The following DNAH12 variants were observed in gnomAD, a reference collection of about 807,000 sequenced individuals.
DNAH12 encodes axonemal beta dynein heavy chain 12.
In DNAH12, 285 loss-of-function variants were observed where a neutral mutation model predicts 371.5. That is an observed-to-expected ratio of 0.77 (90% confidence interval 0.70 to 0.85). DNAH12 has a LOEUF of 0.85. Among genes scored for constraint, DNAH12 ranks in the 40% least tolerant of loss-of-function variants. The pLI is 0.00. For missense variants in DNAH12, 3,611 were observed against 3,689.4 expected (o/e 0.98, Z 0.55); for synonymous variants, 1,200 against 1,213.0 (o/e 0.99, Z 0.22).
chr3:57,340,866 C>G lies in DNAH12; in HGVS notation c.9675-5926G>C, dbSNP rs188081489. 5.9e-5 allele frequency among the ~76,000 whole-genome samples: 9 copies of G among 152,180 alleles called. No homozygotes were observed. The East Asian group carries it at 1.7e-3, about 29-fold the overall frequency. ...AAAACACAACATAAAAAAACTAGAC[C>G]AATGTCTCTGATGAACATAAATGCA... On this transcript the variant is annotated intron_variant, in intron 60 of 73. Coordinates refer to ENST00000495027, the MANE Select transcript of DNAH12 (RefSeq NM_001366028.2).
chr3:57,422,441 G>A (rs549850751), intron 35 of DNAH12, among the ~76,000 whole-genome samples: 4 of 152,090 alleles, frequency 2.6e-5, no homozygotes, highest in South Asian at 2.1e-4. Flanking sequence ...TGATCTGCCC[G>A]CCTCAGCCTC....
At chr3:57,481,950 C>T (rs1292716558) in intron 13 of DNAH12, among the ~76,000 whole-genome samples, 1 of 152,124 alleles carries the variant, frequency 6.6e-6, no homozygotes, top group Admixed American at 6.5e-5. Context: ...AAATGTTAGA[C>T]CTAAAACCAT....
chr3:57,491,101 A>C (rs1559715696), intron 11 of DNAH12, among the ~76,000 whole-genome samples: 2 of 147,870 alleles, frequency 1.4e-5, no homozygotes, highest in East Asian at 2.0e-4. Context: ...AAAAAAAAAA[A>C]CAACAAATAA....
At chr3:57,379,334 A>T (rs1190683931) in intron 51 of DNAH12, 36 bp from the exon 52 acceptor site, 1 of 152,198 alleles carries the variant, frequency 6.6e-6, no homozygotes, top group East Asian at 1.9e-4. Context: ...AAATTTCAAT[A>T]TAGATCACAT....
chr3:57,362,461 G>T (rs2062958000), intron 58 of DNAH12, among the ~76,000 whole-genome samples: 3 of 152,008 alleles, frequency 2.0e-5, no homozygotes, highest in Non-Finnish European at 4.4e-5. Flanking sequence ...CACAATGGTT[G>T]AAGTAATTTA....
At chr3:57,329,548 T>C (rs1243769998) in intron 62 of DNAH12, among the ~76,000 whole-genome samples, 2 of 116,694 alleles carry the variant, frequency 1.7e-5, no homozygotes, top group Admixed American at 8.9e-5. Flanking sequence ...TTACACCTTA[T>C]ACAAAAATCA....
intron 58 of DNAH12, among the ~76,000 whole-genome samples, chr3:57,361,742 A>T (rs1330025009): frequency 7.2e-5 from 11 of 151,922 alleles, no homozygotes; most frequent in Non-Finnish European, 1.5e-4. Flanking sequence ...AGTCAATTAA[A>T]ACCTGAATGA....
chr3:57,356,418 G>A (rs2062800576), intron 59 of DNAH12, among the ~76,000 whole-genome samples: 1 of 93,958 alleles, frequency 1.1e-5, no homozygotes, highest in African/African-American at 3.2e-5. Context: ...ACTCTAGCCT[G>A]GGTGACAGAG....
intron 62 of DNAH12, among the ~76,000 whole-genome samples, chr3:57,331,819 G>C (rs953793881): frequency 2.6e-5 from 4 of 152,024 alleles, no homozygotes; most frequent in African/African-American, 9.7e-5. Flanking sequence ...GTTGTAGCAA[G>C]AACCCTGCTA....
intron 43 of DNAH12, among the ~76,000 whole-genome samples, chr3:57,402,892 T>C (rs2153352071): frequency 6.6e-6 from 1 of 152,372 alleles, no homozygotes; most frequent in Non-Finnish European, 1.5e-5. Context: ...TCCATAGTTA[T>C]TCATTTTATG....
At chr3:57,451,626 G>A (rs578072693) in intron 25 of DNAH12, among the ~76,000 whole-genome samples, 40 of 152,288 alleles carry the variant, frequency 2.6e-4, no homozygotes, top group Middle Eastern at 3.4e-3. Flanking sequence ...GCGGCAGAGC[G>A]AGATTCTGTC....
At position 57,387,930 on chromosome 3, in the gene DNAH12, A is replaced by G. The variant is rs1422860501; in HGVS notation, c.7306-711T>C. On this transcript the variant is annotated intron_variant, in intron 45 of 73. Coordinates refer to ENST00000495027, the MANE Select transcript of DNAH12 (RefSeq NM_001366028.2). ...AAGCCACAAAAGCCCCACTCTGCTTACCTTTAGATTTTTTTTTCATATGAC... is the reference window on the plus strand; with the variant it reads ...AAGCCACAAAAGCCCCACTCTGCTTGCCTTTAGATTTTTTTTTCATATGAC... Among the ~76,000 whole-genome samples, 5 of 152,172 alleles carry G rather than the reference A, an allele frequency of 3.3e-5. No homozygotes were observed. The East Asian group carries it at 5.8e-4, about 18-fold the overall frequency.
At chr3:57,503,395 T>G (rs951269185) in intron 9 of DNAH12, among the ~76,000 whole-genome samples, 10 of 132,294 alleles carry the variant, frequency 7.6e-5, no homozygotes, top group African/African-American at 1.3e-4. Context: ...TTATTATTGG[T>G]TTTTTTTTTT....
At chr3:57,384,166 G>C (rs36145266) in intron 49 of DNAH12, among the ~76,000 whole-genome samples, 118,228 of 151,980 alleles carry the variant, frequency 0.78, 46,596 homozygotes, top group African/African-American at 0.88. Context: ...ATAGGTGCCA[G>C]TCACAGCTGT....
At chr3:57,500,467 C>T (rs1345057761) in intron 11 of DNAH12, among the ~76,000 whole-genome samples, 5 of 152,154 alleles carry the variant, frequency 3.3e-5, no homozygotes, top group Admixed American at 6.5e-5. Context: ...ACTTACATTT[C>T]GAACTTCATC....
intron 4 of DNAH12, among the ~76,000 whole-genome samples, chr3:57,514,757 C>T (rs1158412912): frequency 1.3e-5 from 2 of 152,080 alleles, no homozygotes. Flanking sequence ...AATGAACCTA[C>T]CTGAATTTCA....
At chr3:57,496,375 A>G (rs2067323281) in intron 11 of DNAH12, among the ~76,000 whole-genome samples, 1 of 152,198 alleles carries the variant, frequency 6.6e-6, no homozygotes, top group African/African-American at 2.4e-5. Flanking sequence ...ATATTTGAAC[A>G]TCAATAAATA....
intron 62 of DNAH12, among the ~76,000 whole-genome samples, chr3:57,333,487 T>C (rs1351469854): frequency 6.6e-6 from 1 of 151,986 alleles, no homozygotes; most frequent in Admixed American, 6.6e-5. Flanking sequence ...TGCACCACCA[T>C]GCCTGGCTAA....
intron 34 of DNAH12, 90 bp from the exon 35 acceptor site, chr3:57,425,231 T>C: frequency 1.6e-6 from 1 of 643,306 alleles, no homozygotes. Flanking sequence ...GATAAAAGCA[T>C]ACATGGTTTT....
Sources: allele counts gnomAD v4.1 joint callset (sites outside exome capture counted in the v4.1 genomes callset), GRCh38; gene constraint gnomAD v4.1.1; transcripts MANE v1.5; gene names NCBI Gene and HGNC (gene_info 2026-07-23, HGNC 2026-07-21).